The following OR7E24 variants were observed in gnomAD, a reference collection of about 807,000 sequenced individuals.
The protein encoded by OR7E24 is olfactory receptor family 7 subfamily E member 24.
For missense variants in OR7E24, 385 were observed against 410.3 expected (o/e 0.94, Z 0.53); for synonymous variants, 130 against 157.5 (o/e 0.83, Z 1.31).
In OR7E24 at chr19:9,251,066, T is replaced by C. The variant is rs2066144089; in HGVS notation, c.23T>C (p.Phe8Ser). Residue 8 changes from phenylalanine to serine, a missense_variant, in exon 1 of 1, where the codon TTT becomes TCT. Coordinates refer to ENST00000456448, the MANE Select transcript of OR7E24 (RefSeq NM_001079935.2). MSYFPILFFFFLKRCPSY... is the reference protein window; with the variant it reads MSYFPILSFFFLKRCPSY... ...CTTATGTCCTATTTTCCAATTCTCTTTTTTTTTTTCCTCAAAAGGTGTCCG... is the reference window on the plus strand; with the variant it reads ...CTTATGTCCTATTTTCCAATTCTCTCTTTTTTTTTCCTCAAAAGGTGTCCG... The C allele has an allele frequency of 1.3e-6, 2 of 1,533,650 alleles. No individual in the cohort carries two copies. The highest frequency in any genetic ancestry group is 2.4e-5 in the East Asian group (1 of 42,050).
the OR7E24 span, chr19:9,219,682 T>TC: frequency 1.3e-5 from 2 of 152,146 alleles, no homozygotes; most frequent in Non-Finnish European, 2.9e-5. Context: ...GTCTCAAGAG[T>TC]TGAATTCTCA....
chr19:9,221,744 T>C, the OR7E24 span, among the ~76,000 whole-genome samples: 1 of 152,174 alleles, frequency 6.6e-6, no homozygotes, highest in African/African-American at 2.4e-5. Flanking sequence ...ATCACATGTC[T>C]AGTTTGCAAA....
At chr19:9,213,183 A>T in the OR7E24 span, 1 of 152,218 alleles carries the variant, frequency 6.6e-6, no homozygotes, top group Non-Finnish European at 1.5e-5. Flanking sequence ...ACAAGAAAAA[A>T]CTATACTAAG....
At chr19:9,226,878 C>CT in the OR7E24 span, among the ~76,000 whole-genome samples, 1 of 152,162 alleles carries the variant, frequency 6.6e-6, no homozygotes, top group Non-Finnish European at 1.5e-5. Flanking sequence ...GACCCTTCTA[C>CT]TTTCCACCCT....
chr19:9,229,341 C>G, the OR7E24 span, among the ~76,000 whole-genome samples: 352 of 151,864 alleles, frequency 2.3e-3, 2 homozygotes, highest in South Asian at 8.3e-3. Flanking sequence ...ACCAGCCTGG[C>G]CAATATGGTG....
At chr19:9,210,697 C>G in the OR7E24 span, 2 of 152,146 alleles carry the variant, frequency 1.3e-5, no homozygotes, top group Non-Finnish European at 2.9e-5. Flanking sequence ...CACACACACA[C>G]ACACACACAC....
At chr19:9,218,761 T>G in the OR7E24 span, among the ~76,000 whole-genome samples, 51 of 152,180 alleles carry the variant, frequency 3.4e-4, no homozygotes, top group African/African-American at 1.2e-3. Context: ...CCCGAGTAAC[T>G]GGGATTGCAG....
the OR7E24 span, among the ~76,000 whole-genome samples, chr19:9,226,388 A>T: frequency 6.6e-6 from 1 of 152,212 alleles, no homozygotes; most frequent in Non-Finnish European, 1.5e-5. Flanking sequence ...CACTGGCTGG[A>T]ACGGGACCGC....
the OR7E24 span, among the ~76,000 whole-genome samples, chr19:9,237,307 A>C: frequency 6.8e-6 from 1 of 146,774 alleles, no homozygotes; most frequent in Non-Finnish European, 1.5e-5. Flanking sequence ...AAATTTATTT[A>C]TTTATTTATT....
At chr19:9,246,727 T>C (rs2066131740), upstream of OR7E24, among the ~76,000 whole-genome samples, 1 of 152,132 alleles carries the variant, frequency 6.6e-6, no homozygotes, top group African/African-American at 2.4e-5. Flanking sequence ...TAGACAACAT[T>C]ATGCTCAGTG....
the OR7E24 span, among the ~76,000 whole-genome samples, chr19:9,237,777 G>A: frequency 6.6e-6 from 1 of 152,202 alleles, no homozygotes; most frequent in Non-Finnish European, 1.5e-5. Context: ...CCATGAACAT[G>A]CATGTAAATT....
the OR7E24 span, among the ~76,000 whole-genome samples, chr19:9,229,301 G>A: frequency 2.3e-3 from 357 of 152,060 alleles, 2 homozygotes; most frequent in African/African-American, 7.9e-3. Flanking sequence ...AGGCTGAGGC[G>A]GGTGGATCAC....
the OR7E24 span, among the ~76,000 whole-genome samples, chr19:9,227,240 T>C: frequency 1.0e-3 from 151 of 151,210 alleles, 1 homozygote; most frequent in African/African-American, 3.6e-3. Context: ...TCTTTCTCTT[T>C]TTTTTTTTTT....
Position 9,252,090 on chromosome 19 carries a change from G to T in OR7E24, c.*27G>T. On this transcript the variant is annotated 3_prime_UTR_variant, in exon 1 of 1. Coordinates refer to ENST00000456448, the MANE Select transcript of OR7E24 (RefSeq NM_001079935.2). Reference sequence around the variant, plus strand: ...AATGGCAGCAAAATTTAACACCTAGGCCTGCAAATTCTGCCTCCTTGGTCA... The same window carrying T: ...AATGGCAGCAAAATTTAACACCTAGTCCTGCAAATTCTGCCTCCTTGGTCA... The T allele has an allele frequency of 6.3e-7, 1 of 1,587,968 alleles. No homozygotes were observed. Among genetic ancestry groups the T allele is most frequent in the Non-Finnish European group, 8.6e-7 (1 of 1,165,170 alleles).
At chr19:9,224,176 C>T in the OR7E24 span, among the ~76,000 whole-genome samples, 2 of 152,054 alleles carry the variant, frequency 1.3e-5, no homozygotes, top group African/African-American at 2.4e-5. Flanking sequence ...ACACGTGCAG[C>T]TTTCTCATGC....
chr19:9,252,022 A>G lies in OR7E24; in HGVS notation c.979A>G (p.Ile327Val). 1 of 1,614,128 alleles carries G rather than the reference A, an allele frequency of 6.2e-7. No homozygotes were observed. The highest frequency in any genetic ancestry group is 8.5e-7 in the Non-Finnish European group (1 of 1,180,010). ...CCTGTGCAGGCTGCATGGCAGAATCATCAAATCTCATCATCTCCATCCTTT... is the reference window on the plus strand; with the variant it reads ...CCTGTGCAGGCTGCATGGCAGAATCGTCAAATCTCATCATCTCCATCCTTT... Reference protein sequence around the residue: ...SALCRLHGRIIKSHHLHPFCY... With the variant: ...SALCRLHGRIVKSHHLHPFCY... The change falls in exon 1 of 1, where the codon ATC (isoleucine) becomes GTC (valine). Residue 327 changes from isoleucine to valine, a missense_variant. Coordinates refer to ENST00000456448, the MANE Select transcript of OR7E24 (RefSeq NM_001079935.2).
chr19:9,214,866 G>A, the OR7E24 span: 1 of 1,431,010 alleles, frequency 7.0e-7, no homozygotes, highest in Non-Finnish European at 9.5e-7. Flanking sequence ...GGGGAAGGAG[G>A]AAAAAGCAAC....
the OR7E24 span, chr19:9,214,538 C>T: frequency 1.9e-6 from 3 of 1,614,118 alleles, no homozygotes; most frequent in African/African-American, 4.0e-5. Flanking sequence ...AAAAATACAC[C>T]TGAGTGAGGC....
At chr19:9,228,773 G>A in the OR7E24 span, among the ~76,000 whole-genome samples, 317 of 152,280 alleles carry the variant, frequency 2.1e-3, 1 homozygote, top group African/African-American at 7.2e-3. Flanking sequence ...GAGAAAATGG[G>A]GAGATGCTGG....
Sources: gnomAD v4.1 joint callset for allele counts (sites outside exome capture counted in the v4.1 genomes callset) on GRCh38, gnomAD v4.1.1 for gene constraint, MANE v1.5 for transcripts, NCBI Gene and HGNC (gene_info 2026-07-23, HGNC 2026-07-21) for gene names.